Variants in RABGAP1L observed in about 807,000 individuals in gnomAD.
The protein encoded by RABGAP1L is RAB GTPase activating protein 1 like.
Under a neutral mutation model 137.7 loss-of-function variants are expected in RABGAP1L, and 63 were observed. That is an observed-to-expected ratio of 0.46 (90% CI 0.37 to 0.56). The LOEUF is 0.56. Ranked by LOEUF, RABGAP1L falls within the 20% of genes least tolerant of loss-of-function variation. The pLI, the probability that RABGAP1L is intolerant of heterozygous loss-of-function variation, is 0.00. For missense variants in RABGAP1L, 1,095 were observed against 1,244.0 expected, an observed-to-expected ratio of 0.88 and a Z score of 1.80; for synonymous variants, 431 against 433.7, an observed-to-expected ratio of 0.99 and a Z score of 0.08.
chr1:174,227,263 C>T (rs1320056849), intron 3 of RABGAP1L, among the ~76,000 whole-genome samples: 5 of 149,432 alleles, frequency 3.3e-5, no homozygotes, highest in Non-Finnish European at 7.4e-5. Context: ...TGCAATGGCA[C>T]GATCTCAGCT....
At chr1:174,729,051 C>T (rs1008912557) in intron 17 of RABGAP1L, among the ~76,000 whole-genome samples, 3 of 152,068 alleles carry the variant, frequency 2.0e-5, no homozygotes, top group African/African-American at 2.4e-5. Flanking sequence ...AAGCTGGAGG[C>T]GTCACATTAC....
At chr1:174,597,105 G>C (rs971441693) in intron 13 of RABGAP1L, among the ~76,000 whole-genome samples, 3 of 152,046 alleles carry the variant, frequency 2.0e-5, no homozygotes, top group African/African-American at 7.2e-5. Context: ...ATGTGTTGTT[G>C]AATTTGGTTT....
intron 19 of RABGAP1L, among the ~76,000 whole-genome samples, chr1:174,940,296 G>T: frequency 6.8e-6 from 1 of 146,216 alleles, no homozygotes. Context: ...ACAGGATCCT[G>T]CTCTGTCACC....
chr1:174,984,428 A>C (rs1671417029), intron 24 of RABGAP1L, among the ~76,000 whole-genome samples: 1 of 152,224 alleles, frequency 6.6e-6, no homozygotes, highest in South Asian at 2.1e-4. Context: ...CAAATTAAGA[A>C]CTTCGGAAGC....
At chr1:174,423,518 G>A (rs139553209) in intron 13 of RABGAP1L, among the ~76,000 whole-genome samples, 3 of 151,900 alleles carry the variant, frequency 2.0e-5, no homozygotes, top group South Asian at 2.1e-4. Context: ...CCAAAATGCC[G>A]TATACCTGCA....
chr1:174,984,186 C>T (rs1671387731), intron 24 of RABGAP1L, among the ~76,000 whole-genome samples: 1 of 151,996 alleles, frequency 6.6e-6, no homozygotes, highest in Non-Finnish European at 1.5e-5. Context: ...TCAGTCCCCA[C>T]CCCCAACAAC....
intron 14 of RABGAP1L, among the ~76,000 whole-genome samples, chr1:174,645,502 G>A (rs1557944556): frequency 6.6e-6 from 1 of 151,236 alleles, no homozygotes; most frequent in East Asian, 2.0e-4. Context: ...GGTTTGCAGA[G>A]AATGATGGTT....
intron 18 of RABGAP1L, among the ~76,000 whole-genome samples, chr1:174,778,520 C>T (rs1010499082): frequency 6.6e-6 from 1 of 152,098 alleles, no homozygotes; most frequent in Non-Finnish European, 1.5e-5. Context: ...ATTCTGTATT[C>T]TTCAGGTCCT....
At chr1:174,718,667 G>C (rs1198248037) in intron 17 of RABGAP1L, among the ~76,000 whole-genome samples, 1 of 152,250 alleles carries the variant, frequency 6.6e-6, no homozygotes, top group Admixed American at 6.5e-5. Context: ...ATCAGGCTGA[G>C]TGTAAGGATG....
At chr1:174,806,772 A>T (rs1250889882) in intron 18 of RABGAP1L, among the ~76,000 whole-genome samples, 2 of 152,256 alleles carry the variant, frequency 1.3e-5, no homozygotes, top group South Asian at 4.1e-4. Context: ...TTAATGCTTG[A>T]CATTCATAAA....
intron 10 of RABGAP1L, among the ~76,000 whole-genome samples, chr1:174,286,108 T>A (rs965650982): frequency 1.3e-5 from 2 of 152,212 alleles, no homozygotes; most frequent in Non-Finnish European, 2.9e-5. Context: ...TTTGCAAGTA[T>A]TTCCTCCTCC....
chr1:174,871,879 A>G (rs1652262525), intron 19 of RABGAP1L, among the ~76,000 whole-genome samples: 2 of 152,224 alleles, frequency 1.3e-5, no homozygotes, highest in African/African-American at 2.4e-5. Context: ...TTGAGTGATA[A>G]CAAATATCGG....
chr1:174,480,077 T>A (rs1024594738), intron 13 of RABGAP1L, among the ~76,000 whole-genome samples: 2 of 152,176 alleles, frequency 1.3e-5, no homozygotes, highest in Non-Finnish European at 2.9e-5. Flanking sequence ...TCTAAAAGTA[T>A]GTCACTCAGT....
At position 174,305,099 on chromosome 1, in the gene RABGAP1L, G is replaced by A; in HGVS notation, c.1437G>A (p.Met479Ile). 5.2e-6 allele frequency: 8 copies of A among 1,547,744 alleles called. No individual in the cohort carries two copies. The highest frequency in any genetic ancestry group is 6.9e-6 in the Non-Finnish European group (8 of 1,155,562). Reference sequence around the variant, plus strand: ...CTCCTACTAGTGGAGGGGGTCCAATGTCACCCCAGGATGATGAAGCAGAAG... The same window carrying A: ...CTCCTACTAGTGGAGGGGGTCCAATATCACCCCAGGATGATGAAGCAGAAG... ...PVTPTSGGGP[M>I]SPQDDEAEEE... Residue 479 changes from methionine (M) to isoleucine (I), a missense_variant, in exon 11 of 26, where the codon ATG (methionine) becomes ATA (isoleucine). Coordinates refer to ENST00000681986, the MANE Select transcript of RABGAP1L (RefSeq NM_001366446.1).
chr1:174,184,026 C>T (rs1434855112), intron 1 of RABGAP1L, among the ~76,000 whole-genome samples: 2 of 141,440 alleles, frequency 1.4e-5, no homozygotes, highest in African/African-American at 2.7e-5. Flanking sequence ...CCACCATGCC[C>T]GGCTAATTTT....
In RABGAP1L at chr1:174,208,290, T is replaced by C. The variant is rs947645051; in HGVS notation, c.-33-10835T>C. Among the ~76,000 whole-genome samples the C allele has an allele frequency of 1.2e-4, 19 of 152,206 alleles. No homozygotes were observed. In the South Asian group the frequency reaches 2.9e-3, roughly 23 times the overall value. On this transcript the variant is annotated intron_variant, in intron 1 of 25. Coordinates refer to ENST00000681986, the MANE Select transcript of RABGAP1L (RefSeq NM_001366446.1). ...TTTTTTTTTTCTCTTTTTGAATCTT[T>C]AGGTTTTCCACATTGACAATCATGT... is the stretch of plus-strand genomic sequence containing the variant.
At chr1:174,799,059 A>G (rs1228501407) in intron 18 of RABGAP1L, among the ~76,000 whole-genome samples, 2 of 152,202 alleles carry the variant, frequency 1.3e-5, no homozygotes, top group Non-Finnish European at 2.9e-5. Context: ...AATGTTTTCA[A>G]CTATTAGCTG....
intron 18 of RABGAP1L, among the ~76,000 whole-genome samples, chr1:174,759,928 TTACACTTCAACATGAGATTTGGAGGGGAC>T (rs1208900327): frequency 3.3e-5 from 5 of 152,192 alleles, no homozygotes; most frequent in Admixed American, 1.3e-4. Context: ...ACATTGGGGA[TTACACTTCAACATGAGATTTGGAGGGGAC>T]TACACTTCAA....
chr1:174,708,281 C>T lies in RABGAP1L; in HGVS notation c.2169+6025C>T, dbSNP rs565224675. 1.4e-4 allele frequency among the ~76,000 whole-genome samples: 21 copies of T among 152,262 alleles called. No individual in the cohort carries two copies. In the South Asian group the frequency reaches 4.4e-3, roughly 32 times the overall value. ...AATATTCTCCCTCCTTATCCCCATT[C>T]TCCCCCACAAAAAACTCATCAGAAT... On this transcript the variant is annotated intron_variant, in intron 17 of 25. Transcript: ENST00000681986.
Sources: gnomAD v4.1 joint callset for allele counts (sites outside exome capture counted in the v4.1 genomes callset) on GRCh38, gnomAD v4.1.1 for gene constraint, MANE v1.5 for transcripts, NCBI Gene and HGNC (gene_info 2026-07-23, HGNC 2026-07-21) for gene names.